The following HYKK variants were observed in gnomAD, a reference collection of about 807,000 sequenced individuals.
HYKK encodes the protein hydroxylysine kinase, also known as 5-hydroxy-L-lysine kinase.
A neutral mutation model predicts 29.7 loss-of-function variants in HYKK; 19 were observed. That is an observed-to-expected ratio of 0.64 (90% confidence interval 0.45 to 0.94). The LOEUF is 0.94. HYKK is among the 40% of genes least tolerant of loss of function. The probability of loss-of-function intolerance (pLI) is 0.00; values close to 1 mark genes in which losing one functional copy is unlikely to be tolerated. For synonymous variants in HYKK, 152 were observed against 158.1 expected (o/e 0.96, Z 0.29); for missense variants, 390 against 443.4 (o/e 0.88, Z 1.08).
Position 78,515,006 on chromosome 15 carries a change from C to T in HYKK, c.376C>T (p.Leu126=). 1.9e-6 allele frequency: 3 copies of T among 1,593,798 alleles called. No individual in the cohort carries two copies. The highest frequency in any genetic ancestry group is 1.7e-6 in the Non-Finnish European group (2 of 1,169,008). ...SEIKSYLVRL[L]TYLPGRPIAE... is the part of the protein sequence containing the mutation. ...AATCAAAAGCTACTTGGTGAGGCTG[C>T]TGACTTACCTCCCAGGAAGACCCAT... The change falls in exon 3 of 5, where the codon CTG becomes TTG. Residue 126 remains leucine (L), a synonymous_variant. Transcript: ENST00000388988.
rs377580347 is a variant in HYKK at position 78,534,886 on chromosome 15, T to C, written c.*1216T>C. The C allele has an allele frequency of 3.3e-5, 5 of 152,334 alleles. No individual in the cohort carries two copies. In the East Asian group the frequency reaches 5.8e-4, roughly 18 times the overall value. The allele number at this position is 152,334 out of a possible 1,614,324, so 9.4% of individuals were successfully genotyped here. A position where few individuals can be genotyped will look rare whatever the true frequency, so the allele number is the denominator to read the frequency against. On this transcript the variant is annotated 3_prime_UTR_variant, in exon 5 of 5. Transcript: ENST00000388988. ...AGGAACCTCCTTAAGCATATAAGCA[T>C]ATATTTTTTAATTCTCTATAATCTG...
In HYKK at chr15:78,519,763, A is replaced by AAAAAAC. The variant is rs891471788; in HGVS notation, c.477+4675_477+4680dup. On this transcript the variant is annotated intron_variant, in intron 3 of 4. Transcript: ENST00000388988. ...GTGAAAGAGTGAGACAACGTCTCAA[A>AAAAAAC]AAAAACAAAAACAAAAACAAAAACC... 1.3e-4 allele frequency among the ~76,000 whole-genome samples: 20 copies of AAAAAAC among 152,332 alleles called. 1 individual carries two copies. The South Asian group carries it at 2.7e-3, about 21-fold the overall frequency.
At chr15:78,529,771 T>C (rs1005541539) in intron 4 of HYKK, among the ~76,000 whole-genome samples, 5 of 152,230 alleles carry the variant, frequency 3.3e-5, no homozygotes, top group Non-Finnish European at 5.9e-5. Flanking sequence ...TTACTAGTTA[T>C]ATGTGTTACA....
intron 3 of HYKK, among the ~76,000 whole-genome samples, chr15:78,517,165 G>A (rs1375743919): frequency 7.4e-6 from 1 of 135,124 alleles, no homozygotes; most frequent in Non-Finnish European, 1.5e-5. Context: ...AGGCTGGAGT[G>A]CAACGCTGTG....
At chr15:78,513,577 T>C (rs2052097808) in intron 2 of HYKK, 152 bp downstream of exon 2, 1 of 629,798 alleles carries the variant, frequency 1.6e-6, no homozygotes, top group Admixed American at 3.0e-5. Flanking sequence ...CCCTTAGAGG[T>C]GGTTGTGTTT....
At chr15:78,520,465 A>G (rs957719212) in intron 3 of HYKK, among the ~76,000 whole-genome samples, 3 of 152,130 alleles carry the variant, frequency 2.0e-5, no homozygotes, top group East Asian at 1.9e-4. Context: ...GCCTTCAAGC[A>G]TCTGTTTAAG....
At chr15:78,518,031 G>A (rs1385581123) in intron 3 of HYKK, among the ~76,000 whole-genome samples, 11 of 152,068 alleles carry the variant, frequency 7.2e-5, no homozygotes, top group Non-Finnish European at 1.6e-4. Context: ...CCCATCCCTG[G>A]TAATCTGTCC....
At position 78,527,429 on chromosome 15, in the gene HYKK, G is replaced by C; in HGVS notation, c.527G>C (p.Trp176Ser). The change falls in exon 4 of 5, where the codon TGG becomes TCG. Residue 176 changes from tryptophan (W) to serine (S), a missense_variant. By Grantham distance (177) the Trp-to-Ser change is radical (BLOSUM62 -3). Transcript: ENST00000388988. ...AGTCTTCATCGGGAGAACTTCATCTGGAATCTGAAAAATGTTCCTCTTCTG... is the reference window on the plus strand; with the variant it reads ...AGTCTTCATCGGGAGAACTTCATCTCGAATCTGAAAAATGTTCCTCTTCTG... ...LSSLHRENFI[W>S]NLKNVPLLEK... is the part of the protein sequence containing the mutation. 6.2e-7 allele frequency: 1 copy of C among 1,614,004 alleles called. No homozygotes were observed.
chr15:78,515,074 A>C lies in HYKK; in HGVS notation c.444A>C (p.Gly148=), dbSNP rs763574755. The C allele has an allele frequency of 8.1e-6, 13 of 1,597,304 alleles. No individual in the cohort carries two copies. The highest frequency in any genetic ancestry group is 1.1e-5 in the Non-Finnish European group (13 of 1,170,952). The change falls in exon 3 of 5, where the codon GGA becomes GGC. Residue 148 remains glycine, a synonymous_variant. Transcript: ENST00000388988. ...GCCCCCAGCTATTGTATGAAATTGG[A>C]AAACTAGCTGCCAAATTGGATAAGA... is the stretch of plus-strand genomic sequence containing the variant. The part of the protein sequence containing the change: ...PVSPQLLYEI[G]KLAAKLDKTL...
chr15:78,523,650 G>A (rs780470890), intron 3 of HYKK, among the ~76,000 whole-genome samples: 6 of 152,120 alleles, frequency 3.9e-5, no homozygotes, highest in Non-Finnish European at 5.9e-5. Context: ...AGTCTCACCT[G>A]AGACAAGACA....
intron 4 of HYKK, among the ~76,000 whole-genome samples, chr15:78,529,608 C>T (rs533888251): frequency 6.6e-6 from 1 of 152,304 alleles, no homozygotes; most frequent in Admixed American, 6.5e-5. Context: ...TTGATCATCA[C>T]ATCATGGTTT....
Position 78,533,337 on chromosome 15 carries a change from G to A in HYKK, c.789G>A (p.Val263=). ...DFGDMSYGYY[V]FEVAITIMYM... is the part of the protein sequence containing the mutation. ...GTGACATGAGCTATGGCTACTATGTGTTTGAAGTGGCAATTACCATCATGT... is the reference window on the plus strand; with the variant it reads ...GTGACATGAGCTATGGCTACTATGTATTTGAAGTGGCAATTACCATCATGT... The change falls in exon 5 of 5, where the codon GTG becomes GTA. Residue 263 remains valine, a synonymous_variant. Transcript: ENST00000388988. 1.2e-6 allele frequency: 2 copies of A among 1,614,180 alleles called. No homozygotes were observed. Among genetic ancestry groups the A allele is most frequent in the Non-Finnish European group, 1.7e-6 (2 of 1,180,010 alleles).
At position 78,511,510 on chromosome 15, in the gene HYKK, T is replaced by G. The variant is rs562968741; in HGVS notation, c.-5-1574T>G. Among the ~76,000 whole-genome samples the G allele has an allele frequency of 5.3e-5, 8 of 151,736 alleles. No individual in the cohort carries two copies. The South Asian group carries it at 1.7e-3, about 32-fold the overall frequency. The stretch of plus-strand genomic sequence containing the variant: ...TACAAAGCAGAGGCAGGCAGATCAC[T>G]TAAGCCCAGAAATTCAAGACCAGCC... On this transcript the variant is annotated intron_variant, in intron 1 of 4. Coordinates refer to ENST00000388988, the MANE Select transcript of HYKK (RefSeq NM_001013619.4).
chr15:78,517,902 G>A (rs968034027), intron 3 of HYKK, among the ~76,000 whole-genome samples: 3 of 152,166 alleles, frequency 2.0e-5, no homozygotes, highest in Non-Finnish European at 4.4e-5. Context: ...CTTTTCAGGT[G>A]GCTCGTTCCC....
intron 3 of HYKK, among the ~76,000 whole-genome samples, chr15:78,519,836 C>T (rs1310067761): frequency 6.6e-6 from 1 of 152,226 alleles, no homozygotes; most frequent in African/African-American, 2.4e-5. Context: ...CTTCCTCAGA[C>T]TTAAACCTAC....
intron 4 of HYKK, chr15:78,527,851 A>G: frequency 1.6e-6 from 1 of 640,360 alleles, no homozygotes; most frequent in Non-Finnish European, 2.1e-6. Context: ...TTCAAACTTT[A>G]TATCAATGGT....
chr15:78,509,933 G>T (rs1441346356), intron 1 of HYKK, among the ~76,000 whole-genome samples: 1 of 152,202 alleles, frequency 6.6e-6, no homozygotes, highest in Non-Finnish European at 1.5e-5. Flanking sequence ...ACAGGTGATG[G>T]AAACCGATCA....
chr15:78,527,758 A>T, intron 4 of HYKK, 195 bp downstream of exon 4: 1 of 1,344,008 alleles, frequency 7.4e-7, no homozygotes, highest in Non-Finnish European at 9.5e-7. Context: ...TAAACTTTAC[A>T]TGAGTCTACC....
intron 1 of HYKK, among the ~76,000 whole-genome samples, chr15:78,511,742 A>T (rs2052075658): frequency 7.2e-6 from 1 of 139,762 alleles, no homozygotes; most frequent in Admixed American, 7.3e-5. Flanking sequence ...AAAAAAAAAA[A>T]TCAATTCAGG....
Sources: gnomAD v4.1 joint callset for allele counts (sites outside exome capture counted in the v4.1 genomes callset) on GRCh38, gnomAD v4.1.1 for gene constraint, MANE v1.5 for transcripts, NCBI Gene and HGNC (gene_info 2026-07-23, HGNC 2026-07-21) for gene names.